The following PEX5L variants were observed in gnomAD, a reference collection of about 807,000 sequenced individuals.
PEX5L encodes the protein PEX5-related protein.
A neutral mutation model predicts 84.0 loss-of-function variants in PEX5L; 30 were observed. That is an observed-to-expected ratio of 0.36 (90% CI 0.27 to 0.48). PEX5L has a LOEUF of 0.48. PEX5L is among the 20% of genes least tolerant of loss of function. The pLI, the probability that PEX5L is intolerant of heterozygous loss-of-function variation, is 0.99. For missense variants in PEX5L, 533 were observed against 754.6 expected, an observed-to-expected ratio of 0.71 and a Z score of 3.44; for synonymous variants, 270 against 283.1, an observed-to-expected ratio of 0.95 and a Z score of 0.46.
chr3:179,814,260 C>A (rs1725180301), intron 10 of PEX5L, among the ~76,000 whole-genome samples: 1 of 152,120 alleles, frequency 6.6e-6, no homozygotes, highest in Non-Finnish European at 1.5e-5. Flanking sequence ...AAAGTACAAC[C>A]AATAATAAAA....
chr3:180,036,457 T>C (rs1416806117), intron 1 of PEX5L, 122 bp downstream of exon 1: 2 of 940,102 alleles, frequency 2.1e-6, no homozygotes, highest in Middle Eastern at 2.1e-4. Context: ...GTCACGGTCA[T>C]GTTGCATCAC....
At chr3:179,871,569 A>C (rs554235993) in intron 7 of PEX5L, among the ~76,000 whole-genome samples, 174 of 152,358 alleles carry the variant, frequency 1.1e-3, no homozygotes, top group African/African-American at 4.1e-3. Flanking sequence ...TTCTCTGTAC[A>C]TAGTGAACCA....
At chr3:180,013,388 C>T (rs575877541) in intron 1 of PEX5L, among the ~76,000 whole-genome samples, 1 of 152,250 alleles carries the variant, frequency 6.6e-6, no homozygotes, top group Non-Finnish European at 1.5e-5. Flanking sequence ...CAGCAATATA[C>T]AAGTTTACCA....
chr3:179,866,538 G>A (rs1361659349), intron 7 of PEX5L, among the ~76,000 whole-genome samples: 2 of 152,146 alleles, frequency 1.3e-5, no homozygotes, highest in East Asian at 1.9e-4. Context: ...GACATAGTAC[G>A]TGCTTAATAC....
intron 1 of PEX5L, among the ~76,000 whole-genome samples, chr3:179,996,551 G>A (rs1159944527): frequency 6.6e-6 from 1 of 152,150 alleles, no homozygotes; most frequent in Admixed American, 6.6e-5. Context: ...ATGGTAGAAT[G>A]GATAAGTCAC....
chr3:179,831,108 G>C (rs1732696380), intron 8 of PEX5L, among the ~76,000 whole-genome samples: 1 of 152,120 alleles, frequency 6.6e-6, no homozygotes, highest in Non-Finnish European at 1.5e-5. Flanking sequence ...ATGAGGTCAG[G>C]AGTTCAAGAC....
chr3:179,895,882 CTG>C (rs759386980), intron 3 of PEX5L, among the ~76,000 whole-genome samples: 3 of 152,110 alleles, frequency 2.0e-5, no homozygotes, highest in Non-Finnish European at 4.4e-5. Context: ...TCAGACATAT[CTG>C]GAATCTATCA....
intron 1 of PEX5L, among the ~76,000 whole-genome samples, chr3:180,000,927 G>A (rs1193912812): frequency 1.3e-5 from 2 of 152,122 alleles, no homozygotes; most frequent in African/African-American, 2.4e-5. Flanking sequence ...GGGTGGACTT[G>A]TGATGGTTAA....
At chr3:180,021,993 T>C (rs1299738292) in intron 1 of PEX5L, among the ~76,000 whole-genome samples, 2 of 151,428 alleles carry the variant, frequency 1.3e-5, no homozygotes, top group Admixed American at 6.6e-5. Context: ...GCTTCCTTGA[T>C]ATAACACAGA....
intron 2 of PEX5L, among the ~76,000 whole-genome samples, chr3:179,924,514 A>C (rs1770814928): frequency 6.6e-6 from 1 of 152,220 alleles, no homozygotes; most frequent in Non-Finnish European, 1.5e-5. Context: ...CACTCACGGT[A>C]AGAAGAGAGA....
At chr3:179,871,716 C>G (rs1350961134) in intron 7 of PEX5L, among the ~76,000 whole-genome samples, 4 of 152,172 alleles carry the variant, frequency 2.6e-5, no homozygotes, top group African/African-American at 9.7e-5. Context: ...ATGGCTGTTT[C>G]TGTTCCTCAC....
chr3:179,972,728 G>A (rs1457870466), intron 1 of PEX5L, among the ~76,000 whole-genome samples: 1 of 151,964 alleles, frequency 6.6e-6, no homozygotes, highest in Non-Finnish European at 1.5e-5. Context: ...TTCACACTGT[G>A]AGCACAATTC....
intron 1 of PEX5L, among the ~76,000 whole-genome samples, chr3:179,984,488 C>T (rs964429826): frequency 1.6e-4 from 24 of 151,972 alleles, no homozygotes; most frequent in African/African-American, 5.5e-4. Context: ...ATCCAGTAAG[C>T]GTGAACAGAT....
Position 179,819,906 on chromosome 3 carries a change from T to A in PEX5L, c.893A>T (p.Glu298Val), listed in dbSNP as rs755628106. The change falls in exon 9 of 15, where the codon GAG becomes GTG. Residue 298 changes from glutamate to valine, a missense_variant. By Grantham distance (121) the Glu-to-Val change is moderately radical. Around this residue, in one of 8 missense-constraint regions of PEX5L, gnomAD observed 58 missense variants for 56.4 expected, o/e 1.03. Transcript: ENST00000467460. ...TACTTGGTTCTGGGCTTCTTGGTTC[T>A]CAGATATCCAGTTCCTCCGAGCCAT... ...EEMARRNWISENQEAQNQVTI... is the reference protein window; with the variant it reads ...EEMARRNWISVNQEAQNQVTI... 4.3e-6 allele frequency: 7 copies of A among 1,614,120 alleles called. No homozygotes were observed. The highest frequency in any genetic ancestry group is 5.9e-6 in the Non-Finnish European group (7 of 1,179,990).
intron 12 of PEX5L, among the ~76,000 whole-genome samples, chr3:179,808,998 C>T (rs1375500063): frequency 7.8e-6 from 1 of 128,226 alleles, no homozygotes; most frequent in Non-Finnish European, 1.6e-5. Context: ...GGCGTGAACC[C>T]GGGAGGCGGA....
At chr3:179,954,686 G>A (rs1780050468) in intron 2 of PEX5L, among the ~76,000 whole-genome samples, 1 of 152,110 alleles carries the variant, frequency 6.6e-6, no homozygotes, top group Admixed American at 6.6e-5. Context: ...GTGGAGCGCG[G>A]GCTTTGGAGG....
At chr3:180,029,076 G>A (rs531927572) in intron 1 of PEX5L, among the ~76,000 whole-genome samples, 62 of 152,260 alleles carry the variant, frequency 4.1e-4, no homozygotes, top group African/African-American at 1.1e-3. Flanking sequence ...CCATATTTTC[G>A]TGCAGCCTTT....
chr3:180,004,663 T>C (rs1200976162), intron 1 of PEX5L, among the ~76,000 whole-genome samples: 1 of 152,142 alleles, frequency 6.6e-6, no homozygotes, highest in African/African-American at 2.4e-5. Flanking sequence ...GGATTTATGT[T>C]AAAAAATGAC....
At chr3:179,937,677 T>C (rs1163190414) in intron 2 of PEX5L, among the ~76,000 whole-genome samples, 2 of 152,188 alleles carry the variant, frequency 1.3e-5, no homozygotes, top group Non-Finnish European at 2.9e-5. Context: ...GTCAGCTCTT[T>C]GGCTTGGGGA....
Sources: allele counts gnomAD v4.1 joint callset (sites outside exome capture counted in the v4.1 genomes callset), GRCh38; gene constraint gnomAD v4.1.1; regional missense constraint gnomAD v4.1.1; transcripts MANE v1.5; gene names NCBI Gene and HGNC (gene_info 2026-07-23, HGNC 2026-07-21).